The following CTNNAL1 variants were observed in gnomAD, a reference collection of about 807,000 sequenced individuals.
CTNNAL1 encodes catenin alpha like 1.
CTNNAL1 carries 69 observed loss-of-function variants against 93.6 expected under a neutral mutation model. The ratio of observed to expected loss-of-function variants is 0.74; its 90% CI spans 0.61 to 0.90. CTNNAL1 has a LOEUF of 0.90. CTNNAL1 is among the 40% of genes least tolerant of loss of function. The pLI, the probability that CTNNAL1 is intolerant of heterozygous loss-of-function variation, is 0.00. For missense variants in CTNNAL1, 836 were observed against 862.0 expected, an observed-to-expected ratio of 0.97 and a Z score of 0.38; for synonymous variants, 286 against 305.4, an observed-to-expected ratio of 0.94 and a Z score of 0.66.
intron 1 of CTNNAL1, among the ~76,000 whole-genome samples, chr9:109,010,615 A>G (rs946070110): frequency 3.9e-5 from 6 of 152,312 alleles, no homozygotes; most frequent in Middle Eastern, 3.4e-3. Flanking sequence ...ATTTAGTTGA[A>G]TGCTTTTTCT....
chr9:108,955,856 TTTTTTCTATTAATATA>T, intron 11 of CTNNAL1, 29 bp from the exon 12 acceptor site: 1 of 1,447,780 alleles, frequency 6.9e-7, no homozygotes, highest in Non-Finnish European at 9.3e-7. Context: ...ACTTAAAAAA[TTTTTTCTATTAATATA>T]TTTTTCTATT....
intron 8 of CTNNAL1, 31 bp from the exon 9 acceptor site, chr9:108,972,864 G>GGGGGGGGGTCCCC: frequency 7.0e-6 from 1 of 142,590 alleles, no homozygotes; most frequent in Non-Finnish European, 1.0e-5. Flanking sequence ...GGGGGGGTGG[G>GGGGGGGGGTCCCC]AGGGTGGAGA....
Position 108,972,698 on chromosome 9 carries a change from CAG to C in CTNNAL1, c.1322_1323del (p.Ser441Ter). The C allele has an allele frequency of 1.2e-6, 2 of 1,613,442 alleles. No homozygotes were observed. The highest frequency in any genetic ancestry group is 1.1e-5 in the South Asian group (1 of 90,908). ...EALAEYACKL[S>X]EQKEQLVETC... ...ACCTCAACAAGCTGCTCTTTCTGTT[CAG>C]AGAGTTTACAGGCATATTCAGCCAA... is the stretch of plus-strand genomic sequence containing the variant. On this transcript the variant is annotated frameshift_variant, in exon 9 of 19. Transcript: ENST00000325551. LOFTEE classifies it high-confidence loss of function.
intron 1 of CTNNAL1, among the ~76,000 whole-genome samples, chr9:109,010,768 T>C (rs1276138808): frequency 6.6e-6 from 1 of 152,212 alleles, no homozygotes; most frequent in African/African-American, 2.4e-5. Flanking sequence ...CAGAAGAAGC[T>C]AGATGATACC....
chr9:108,966,890 C>T (rs942730183), intron 10 of CTNNAL1, among the ~76,000 whole-genome samples: 1 of 152,184 alleles, frequency 6.6e-6, no homozygotes, highest in Non-Finnish European at 1.5e-5. Context: ...TTAGCTTCTA[C>T]CTCAAAATAG....
chr9:108,964,260 T>G (rs972463144), intron 11 of CTNNAL1, among the ~76,000 whole-genome samples: 1 of 152,226 alleles, frequency 6.6e-6, no homozygotes, highest in African/African-American at 2.4e-5. Flanking sequence ...AATTCTATTA[T>G]GCCCTGATTT....
chr9:108,965,259 C>T (rs948852677), intron 11 of CTNNAL1, 119 bp downstream of exon 11: 11 of 826,512 alleles, frequency 1.3e-5, no homozygotes, highest in African/African-American at 1.8e-5. Flanking sequence ...TATTTTACTA[C>T]AAAAATAACC....
Position 108,965,422 on chromosome 9 carries a change from G to A in CTNNAL1, c.1547C>T (p.Ser516Leu). 6.3e-7 allele frequency: 1 copy of A among 1,591,628 alleles called. No homozygotes were observed. The highest frequency in any genetic ancestry group is 8.5e-7 in the Non-Finnish European group (1 of 1,169,810). ...EAWESQISDM[S>L]TLLREINDVF... ...GTCATTGATTTCTCTCAGCAGTGTT[G>A]ACATGTCACTAATTTGGGATTCCCA... is the stretch of plus-strand genomic sequence containing the variant. The change falls in exon 11 of 19, where the codon TCA (serine) becomes TTA (leucine). Residue 516 changes from serine (S) to leucine (L), a missense_variant. Ser to Leu is a moderately radical substitution (Grantham distance 145, BLOSUM62 -2). Coordinates refer to ENST00000325551, the MANE Select transcript of CTNNAL1 (RefSeq NM_003798.4).
chr9:108,972,864 G>GGGGGGGGGGGGGGGAA, intron 8 of CTNNAL1, 31 bp from the exon 9 acceptor site: 1 of 142,588 alleles, frequency 7.0e-6, no homozygotes, highest in Non-Finnish European at 1.0e-5. Context: ...GGGGGGGTGG[G>GGGGGGGGGGGGGGGAA]AGGGTGGAGA....
chr9:109,012,523 G>C (rs1827237014), intron 1 of CTNNAL1, among the ~76,000 whole-genome samples: 1 of 152,184 alleles, frequency 6.6e-6, no homozygotes, highest in Admixed American at 6.5e-5. Context: ...CCCTGAAGCT[G>C]CATATAACCC....
Position 108,999,190 on chromosome 9 carries a change from G to T in CTNNAL1, c.208C>A (p.Arg70Ser). 1 of 1,612,574 alleles carries T rather than the reference G, an allele frequency of 6.2e-7. No individual in the cohort carries two copies. The highest frequency in any genetic ancestry group is 8.5e-7 in the Non-Finnish European group (1 of 1,179,392). The change falls in exon 2 of 19, where the codon CGT becomes AGT. Residue 70 changes from arginine to serine, a missense_variant. Physicochemically the swap from Arg to Ser is moderately radical, Grantham distance 110. Transcript: ENST00000325551. ...KSDKTLQAIQ[R>S]VGQAVNLAVG... ...GCCAAGTTGACAGCTTGTCCTACAC[G>T]CTGAATTGCTTGCAGAGTTTTATCA...
chr9:108,977,636 G>A (rs528490515), intron 7 of CTNNAL1, among the ~76,000 whole-genome samples: 79 of 152,186 alleles, frequency 5.2e-4, no homozygotes, highest in Non-Finnish European at 8.7e-4. Flanking sequence ...ACTAGGCCAC[G>A]AAAGCTGGGT....
chr9:108,981,659 T>C (rs1831433153), intron 6 of CTNNAL1, among the ~76,000 whole-genome samples: 1 of 152,188 alleles, frequency 6.6e-6, no homozygotes, highest in African/African-American at 2.4e-5. Context: ...GCGTGGTGGT[T>C]CACGCCTGTA....
intron 1 of CTNNAL1, among the ~76,000 whole-genome samples, chr9:109,004,974 C>T (rs979866424): frequency 6.6e-6 from 1 of 152,046 alleles, no homozygotes; most frequent in African/African-American, 2.4e-5. Flanking sequence ...GCATACTTGG[C>T]TCATACAACT....
intron 3 of CTNNAL1, among the ~76,000 whole-genome samples, chr9:108,991,635 C>T (rs1831808883): frequency 6.6e-6 from 1 of 152,160 alleles, no homozygotes; most frequent in Admixed American, 6.5e-5. Flanking sequence ...TCAGGAAGTT[C>T]AGGCGACTAA....
Position 108,970,424 on chromosome 9 carries a change from G to T in CTNNAL1, c.1418C>A (p.Thr473Lys). The stretch of plus-strand genomic sequence containing the variant: ...TACCTGTTGGCCAGTCACCTGAAAT[G>T]TCTCCTCTGCATGTATACAGGTTAT... ...LEITCIHAEETFQVTGQQIIS... is the reference protein window; with the variant it reads ...LEITCIHAEEKFQVTGQQIIS... Residue 473 changes from threonine (T) to lysine (K), a missense_variant, in exon 10 of 19, where the codon ACA becomes AAA. Transcript: ENST00000325551. The T allele has an allele frequency of 1.9e-6, 3 of 1,612,278 alleles. No homozygotes were observed. The highest frequency in any genetic ancestry group is 2.5e-6 in the Non-Finnish European group (3 of 1,179,308).
At chr9:108,972,864 G>GGGGGGGGCGCCCCCCCCC in intron 8 of CTNNAL1, 31 bp from the exon 9 acceptor site, 6 of 142,516 alleles carry the variant, frequency 4.2e-5, no homozygotes, top group Non-Finnish European at 6.0e-5. Flanking sequence ...GGGGGGGTGG[G>GGGGGGGGCGCCCCCCCCC]AGGGTGGAGA....
rs1275743606 is a variant in CTNNAL1 at position 109,010,920 on chromosome 9, T to C, written c.141+2382A>G. ...AGTATGTACCATTGATGATGTTCAT[T>C]TGACACTTTGCATGTGCTGTTCTAT... is the stretch of plus-strand genomic sequence containing the variant. On this transcript the variant is annotated intron_variant, in intron 1 of 18. Transcript: ENST00000325551. Among the ~76,000 whole-genome samples, 4 of 152,236 alleles carry C rather than the reference T, an allele frequency of 2.6e-5. 1 individual carries two copies. The highest frequency in any genetic ancestry group is 4.4e-5 in the Non-Finnish European group (3 of 68,042).
intron 1 of CTNNAL1, among the ~76,000 whole-genome samples, chr9:109,000,763 C>T (rs377445080): frequency 1.3e-5 from 2 of 150,184 alleles, no homozygotes; most frequent in East Asian, 1.9e-4. Flanking sequence ...GAGGTGAAGT[C>T]GGAAGTGGCT....
Sources: gnomAD v4.1 joint callset for allele counts (sites outside exome capture counted in the v4.1 genomes callset) on GRCh38, gnomAD v4.1.1 for gene constraint, MANE v1.5 for transcripts, NCBI Gene and HGNC (gene_info 2026-07-23, HGNC 2026-07-21) for gene names.